Variants in RNF138 observed in about 807,000 individuals in gnomAD.
RNF138 encodes ring finger protein 138, also known as E3 ubiquitin-protein ligase RNF138.
RNF138 carries 12 observed loss-of-function variants against 31.0 expected under a neutral mutation model. The ratio of observed to expected loss-of-function variants is 0.39; its 90% CI spans 0.25 to 0.63. RNF138 has a LOEUF of 0.63. Among genes scored for constraint, RNF138 ranks in the 20% least tolerant of loss-of-function variants. RNF138 has a pLI of 0.52. For synonymous variants in RNF138, 105 were observed against 99.5 expected, an observed-to-expected ratio of 1.06 and a Z score of -0.33; for missense variants, 192 against 300.1, an observed-to-expected ratio of 0.64 and a Z score of 2.66.
At chr18:32,114,060 C>G (rs1427181272) in intron 4 of RNF138, 200 bp downstream of exon 4, 3 of 366,208 alleles carry the variant, frequency 8.2e-6, no homozygotes, top group Non-Finnish European at 1.5e-5. Context: ...TGGGAGATGA[C>G]TTCATGAACT....
At position 32,100,097 on chromosome 18, in the gene RNF138, T is replaced by A. The variant is rs142630960; in HGVS notation, c.110+7211T>A. Among the ~76,000 whole-genome samples, 208 of 152,240 alleles carry A rather than the reference T, an allele frequency of 1.4e-3. 1 individual carries two copies. Among genetic ancestry groups the A allele is most frequent in the African/African-American group, 5.0e-3 (206 of 41,540 alleles). On this transcript the variant is annotated intron_variant, in intron 2 of 7. Coordinates refer to ENST00000261593, the MANE Select transcript of RNF138 (RefSeq NM_016271.5). ...TTGGCATTCATTGCTTTAGCAAATA[T>A]TAGGACTGCCTAATAGGTGCCTAGC...
At chr18:32,102,762 A>T (rs2144577550) in intron 2 of RNF138, among the ~76,000 whole-genome samples, 1 of 151,742 alleles carries the variant, frequency 6.6e-6, no homozygotes, top group East Asian at 2.0e-4. Context: ...CCTCCTGAGT[A>T]GCTGGGATTA....
At chr18:32,094,779 A>G (rs1190960834) in intron 2 of RNF138, among the ~76,000 whole-genome samples, 1 of 150,926 alleles carries the variant, frequency 6.6e-6, no homozygotes, top group African/African-American at 2.4e-5. Flanking sequence ...ATAGCTGCTA[A>G]CTATATATAT....
At chr18:32,120,784 G>T (rs576575992) in intron 4 of RNF138, among the ~76,000 whole-genome samples, 1 of 152,318 alleles carries the variant, frequency 6.6e-6, no homozygotes, top group Non-Finnish European at 1.5e-5. Context: ...CAGAAGTTTT[G>T]TGATTGCATT....
At position 32,123,674 on chromosome 18, in the gene RNF138, C is replaced by T. The variant is rs113107562; in HGVS notation, c.449+100C>T. The T allele has an allele frequency of 5.7e-4, 397 of 695,940 alleles. 1 individual carries two copies. Among genetic ancestry groups the T allele is most frequent in the Non-Finnish European group, 8.0e-4 (371 of 462,254 alleles). The allele number at this position is 695,940 out of a possible 1,614,324, so 43.1% of individuals were successfully genotyped here. ...AAACTTTTTTTTTTTTTTTTTGAGA[C>T]GGAGTCTCACTTTGTTTTCCCAGGC... On this transcript the variant is annotated intron_variant, in intron 5 of 7. Transcript: ENST00000261593.
intron 2 of RNF138, among the ~76,000 whole-genome samples, chr18:32,104,522 T>G (rs1190268111): frequency 1.3e-5 from 2 of 152,094 alleles, no homozygotes; most frequent in Non-Finnish European, 2.9e-5. Context: ...AAGGAAGAGA[T>G]AAAATTGTCA....
chr18:32,123,458 G>T (rs1460686282), intron 4 of RNF138, 60 bp from the exon 5 acceptor site: 2 of 1,053,198 alleles, frequency 1.9e-6, no homozygotes, highest in Admixed American at 5.2e-5. Flanking sequence ...TCAAGATAAT[G>T]AACCTTTAGT....
intron 2 of RNF138, among the ~76,000 whole-genome samples, chr18:32,103,002 T>C (rs903331216): frequency 2.6e-5 from 4 of 152,238 alleles, no homozygotes; most frequent in African/African-American, 9.6e-5. Flanking sequence ...TTTTATGCCT[T>C]TAAATATTTG....
intron 2 of RNF138, among the ~76,000 whole-genome samples, chr18:32,093,107 TCCC>T (rs1445702087): frequency 2.2e-5 from 2 of 92,656 alleles, no homozygotes; most frequent in East Asian, 8.9e-4. Flanking sequence ...CAGCCCAAGC[TCCC>T]GCTCTCCCGC....
intron 2 of RNF138, among the ~76,000 whole-genome samples, chr18:32,102,195 CTTTTTTTTTTTTTT>C (rs1167535943): frequency 4.7e-5 from 3 of 63,812 alleles, no homozygotes; most frequent in Non-Finnish European, 8.4e-5. Context: ...CTTTTAGTTT[CTTTTTTTTTTTTTT>C]TTTTTTTTTT....
At position 32,113,338 on chromosome 18, in the gene RNF138, G is replaced by A. The variant is rs540999144; in HGVS notation, c.277-407G>A. 1.5e-4 allele frequency among the ~76,000 whole-genome samples: 22 copies of A among 149,976 alleles called. 1 individual carries two copies. The highest frequency in any genetic ancestry group is 2.1e-4 in the South Asian group (1 of 4,728). ...CTCCCAAAAGGCTGGGATTACAAGC[G>A]CGAGCCACTGCACCCAGCCAGGAAC... On this transcript the variant is annotated intron_variant, in intron 3 of 7. Transcript: ENST00000261593.
chr18:32,126,831 C>T (rs1439854585), intron 7 of RNF138, 31 bp downstream of exon 7: 2 of 1,268,584 alleles, frequency 1.6e-6, no homozygotes, highest in Non-Finnish European at 2.3e-6. Context: ...TAAGAAAGTA[C>T]TGTTTAAATA....
At position 32,129,745 on chromosome 18, in the gene RNF138, G is replaced by T. The variant is rs1474941527; in HGVS notation, c.*558G>T. The T allele has an allele frequency of 6.6e-6, 1 of 152,528 alleles. No homozygotes were observed. The highest frequency in any genetic ancestry group is 6.5e-5 in the Admixed American group (1 of 15,270). The allele number at this position is 152,528 out of a possible 1,614,324, so 9.4% of individuals were successfully genotyped here. On this transcript the variant is annotated 3_prime_UTR_variant, in exon 8 of 8. Coordinates refer to ENST00000261593, the MANE Select transcript of RNF138 (RefSeq NM_016271.5). Reference sequence around the variant, plus strand: ...TAACATTTACTATTTTTGAAGACTAGTGAGATTTCTGTAATAATTTTAATT... The same window carrying T: ...TAACATTTACTATTTTTGAAGACTATTGAGATTTCTGTAATAATTTTAATT...
intron 1 of RNF138, among the ~76,000 whole-genome samples, 194 bp downstream of exon 1, chr18:32,092,429 G>A (rs1265421041): frequency 6.6e-6 from 1 of 152,014 alleles, no homozygotes; most frequent in East Asian, 1.9e-4. Context: ...GGAGCCCGGT[G>A]AGGGCGTGGC....
intron 3 of RNF138, among the ~76,000 whole-genome samples, chr18:32,113,179 T>A (rs1464700588): frequency 6.6e-6 from 1 of 152,048 alleles, no homozygotes; most frequent in East Asian, 1.9e-4. Context: ...CTCTAAGCAA[T>A]CCTCCTGCCT....
At chr18:32,114,505 A>G (rs558188885) in intron 4 of RNF138, among the ~76,000 whole-genome samples, 17 of 152,328 alleles carry the variant, frequency 1.1e-4, no homozygotes, top group East Asian at 5.8e-4. Context: ...ACATTTTTCA[A>G]AACTTCAGGA....
chr18:32,110,663 T>C (rs1174483912), intron 2 of RNF138, among the ~76,000 whole-genome samples: 1 of 152,220 alleles, frequency 6.6e-6, no homozygotes, highest in Non-Finnish European at 1.5e-5. Flanking sequence ...CAGATATATA[T>C]GTCTGTAATT....
In RNF138 at chr18:32,092,771, C is replaced by G; in HGVS notation, c.-6C>G. On this transcript the variant is annotated 5_prime_UTR_variant, in exon 2 of 8. Coordinates refer to ENST00000261593, the MANE Select transcript of RNF138 (RefSeq NM_016271.5). ...TCGCCATCGCCTTGTTTCCCCATCC[C>G]CCGCCATGGCCGAGGACCTCTCTGC... The G allele has an allele frequency of 6.4e-7, 1 of 1,557,222 alleles. No homozygotes were observed. Among genetic ancestry groups the G allele is most frequent in the Non-Finnish European group, 8.7e-7 (1 of 1,151,836 alleles).
At chr18:32,092,495 C>A (rs1187957544) in intron 1 of RNF138, 2 of 418,122 alleles carry the variant, frequency 4.8e-6, no homozygotes, top group Non-Finnish European at 8.7e-6. Flanking sequence ...GGCGGGCCCA[C>A]GGCATGCTGC....
Sources: allele counts gnomAD v4.1 joint callset (sites outside exome capture counted in the v4.1 genomes callset), GRCh38; gene constraint gnomAD v4.1.1; transcripts MANE v1.5; gene names NCBI Gene and HGNC (gene_info 2026-07-23, HGNC 2026-07-21).